Variants in MYOCD observed in about 807,000 individuals in gnomAD.
MYOCD encodes myocardin.
A neutral mutation model predicts 96.1 loss-of-function variants in MYOCD; 32 were observed. That is an observed-to-expected ratio of 0.33 (90% confidence interval 0.25 to 0.45). MYOCD has a LOEUF of 0.45. Ranked by LOEUF, MYOCD falls within the 20% of genes least tolerant of loss-of-function variation. The pLI, the probability that MYOCD is intolerant of heterozygous loss-of-function variation, is 1.00. For synonymous variants in MYOCD, 469 were observed against 469.0 expected, an observed-to-expected ratio of 1.00 and a Z score of 0.00; for missense variants, 1,133 against 1,200.6, an observed-to-expected ratio of 0.94 and a Z score of 0.83.
chr17:12,689,481 C>T (rs980303347), intron 1 of MYOCD, among the ~76,000 whole-genome samples: 4 of 152,088 alleles, frequency 2.6e-5, no homozygotes, highest in South Asian at 4.1e-4. Flanking sequence ...TATTATATGA[C>T]AAACAATATA....
intron 5 of MYOCD, among the ~76,000 whole-genome samples, chr17:12,730,021 C>T (rs1300322568): frequency 1.3e-5 from 2 of 152,214 alleles, no homozygotes; most frequent in African/African-American, 2.4e-5. Context: ...CTGGTGCATG[C>T]CTGTAGTCCT....
intron 1 of MYOCD, among the ~76,000 whole-genome samples, chr17:12,690,311 A>G (rs1365409504): frequency 6.6e-6 from 1 of 152,182 alleles, no homozygotes; most frequent in African/African-American, 2.4e-5. Flanking sequence ...GTTACTTATC[A>G]AATTAGCAAA....
chr17:12,695,691 A>C (rs891650640), intron 1 of MYOCD, among the ~76,000 whole-genome samples: 7 of 151,994 alleles, frequency 4.6e-5, no homozygotes, highest in Non-Finnish European at 1.5e-5. Context: ...TTGAATTTTA[A>C]TTTTTTGAAT....
Position 12,745,985 on chromosome 17 carries a change from G to C in MYOCD, c.1038G>C (p.Leu346Phe). ...SSSTPLSNTP[L>F]SPVKNSFSGQ... Reference sequence around the variant, plus strand: ...CAACGCCACTGAGCAATACCCCCTTGTCTCCTGTCAAAAACAGTTTTTCTG... The same window carrying C: ...CAACGCCACTGAGCAATACCCCCTTCTCTCCTGTCAAAAACAGTTTTTCTG... The change falls in exon 9 of 14, where the codon TTG (leucine) becomes TTC (phenylalanine). Residue 346 changes from leucine to phenylalanine, a missense_variant. Transcript: ENST00000425538. 1 of 1,614,142 alleles carries C rather than the reference G, an allele frequency of 6.2e-7. No individual in the cohort carries two copies. The highest frequency in any genetic ancestry group is 8.5e-7 in the Non-Finnish European group (1 of 1,180,006).
chr17:12,708,315 A>G (rs953341844), intron 2 of MYOCD, among the ~76,000 whole-genome samples: 2 of 152,198 alleles, frequency 1.3e-5, no homozygotes, highest in Non-Finnish European at 2.9e-5. Context: ...AATAGTTGCA[A>G]TCTTTCTAAA....
intron 7 of MYOCD, among the ~76,000 whole-genome samples, chr17:12,741,057 AC>A (rs2032491557): frequency 6.6e-6 from 1 of 152,054 alleles, no homozygotes; most frequent in Non-Finnish European, 1.5e-5. Context: ...ATAACTTCCA[AC>A]TGATTTGGGA....
Position 12,763,256 on chromosome 17 carries a change from T to C in MYOCD, c.2573T>C (p.Leu858Ser). Residue 858 changes from leucine to serine, a missense_variant, in exon 14 of 14, where the codon TTA becomes TCA. Coordinates refer to ENST00000425538, the MANE Select transcript of MYOCD (RefSeq NM_001146312.3). ...GACAGTGATGAGCATCTTGAAGTCT[T>C]ATTAAATTCCCAGAGCCCCCTAGGA... ...ATDSDEHLEV[L>S]LNSQSPLGKM... The C allele has an allele frequency of 6.2e-7, 1 of 1,613,818 alleles. No individual in the cohort carries two copies. The highest frequency in any genetic ancestry group is 8.5e-7 in the Non-Finnish European group (1 of 1,179,868).
At chr17:12,719,698 C>CAAAAAAAA (rs57311284) in intron 4 of MYOCD, among the ~76,000 whole-genome samples, 1 of 106,314 alleles carries the variant, frequency 9.4e-6, no homozygotes, top group African/African-American at 3.8e-5. Context: ...ACTAAAAATA[C>CAAAAAAAA]AAAAAAAAAA....
chr17:12,741,638 G>C (rs1235714196), intron 7 of MYOCD, among the ~76,000 whole-genome samples: 1 of 152,022 alleles, frequency 6.6e-6, no homozygotes, highest in African/African-American at 2.4e-5. Flanking sequence ...GAACCCAGGA[G>C]GGGGTGGTGG....
intron 1 of MYOCD, among the ~76,000 whole-genome samples, chr17:12,694,486 T>C (rs2030640488): frequency 6.6e-6 from 1 of 152,180 alleles, no homozygotes; most frequent in Admixed American, 6.5e-5. Flanking sequence ...CGAATTCCAC[T>C]GCTGAGATCA....
chr17:12,759,652 GT>G (rs2033115414), intron 12 of MYOCD, among the ~76,000 whole-genome samples: 1 of 152,148 alleles, frequency 6.6e-6, no homozygotes, highest in Admixed American at 6.6e-5. Flanking sequence ...GCCAGGCAAA[GT>G]GGACATCCAG....
rs777092086 is a variant in MYOCD at position 12,715,516 on chromosome 17, C to G, written c.122-3C>G. On this transcript the variant is annotated splice_polypyrimidine_tract_variant and splice_region_variant and intron_variant, in intron 2 of 13. Coordinates refer to ENST00000425538, the MANE Select transcript of MYOCD (RefSeq NM_001146312.3). ...CACTCACGTTTTTGTGTTTCTGTTTCAGCACTGAAACGTCCAGCTGAATTC... is the reference window on the plus strand; with the variant it reads ...CACTCACGTTTTTGTGTTTCTGTTTGAGCACTGAAACGTCCAGCTGAATTC... 1 of 1,613,322 alleles carries G rather than the reference C, an allele frequency of 6.2e-7. No homozygotes were observed. The highest frequency in any genetic ancestry group is 1.7e-5 in the Admixed American group (1 of 59,906).
chr17:12,676,997 G>T (rs1458789565), intron 1 of MYOCD, among the ~76,000 whole-genome samples: 1 of 152,156 alleles, frequency 6.6e-6, no homozygotes, highest in East Asian at 1.9e-4. Context: ...GGGATGTGCT[G>T]ATGTACTCAA....
chr17:12,669,321 A>G (rs1909555647), intron 1 of MYOCD, among the ~76,000 whole-genome samples: 1 of 152,146 alleles, frequency 6.6e-6, no homozygotes, highest in African/African-American at 2.4e-5. Flanking sequence ...TGTTGCTTCT[A>G]AAGAATCATT....
chr17:12,675,793 AGGTTGCAGTGAGACGAGATCAC>A (rs1305500356), intron 1 of MYOCD, among the ~76,000 whole-genome samples: 1 of 152,220 alleles, frequency 6.6e-6, no homozygotes, highest in African/African-American at 2.4e-5. Context: ...CAGGAGGCGG[AGGTTGCAGTGAGACGAGATCAC>A]GCCACTGCAC....
intron 1 of MYOCD, among the ~76,000 whole-genome samples, chr17:12,699,548 A>G (rs1344341148): frequency 6.6e-6 from 1 of 152,134 alleles, no homozygotes; most frequent in Non-Finnish European, 1.5e-5. Context: ...CCAGCCCTAT[A>G]TCTCAATTGT....
chr17:12,695,651 G>A (rs935259652), intron 1 of MYOCD, among the ~76,000 whole-genome samples: 5 of 152,054 alleles, frequency 3.3e-5, no homozygotes, highest in Admixed American at 6.6e-5. Flanking sequence ...TTTACTTTGC[G>A]ATTAGTGTTA....
intron 1 of MYOCD, among the ~76,000 whole-genome samples, chr17:12,667,435 G>C (rs939942612): frequency 6.6e-6 from 1 of 152,172 alleles, no homozygotes; most frequent in African/African-American, 2.4e-5. Flanking sequence ...CACTGGGGTC[G>C]GCAGTGGATT....
intron 9 of MYOCD, among the ~76,000 whole-genome samples, chr17:12,749,250 G>A (rs1044773431): frequency 2.0e-5 from 3 of 151,994 alleles, no homozygotes; most frequent in African/African-American, 7.2e-5. Context: ...GATTTCAGGC[G>A]GGGCGCAGTG....
Sources: allele counts gnomAD v4.1 joint callset (sites outside exome capture counted in the v4.1 genomes callset), GRCh38; gene constraint gnomAD v4.1.1; transcripts MANE v1.5; gene names NCBI Gene and HGNC (gene_info 2026-07-23, HGNC 2026-07-21).